PDE2A: variants seen among roughly 807,000 people sequenced by gnomAD.
PDE2A encodes cGMP-dependent 3',5'-cyclic phosphodiesterase.
PDE2A carries 53 observed loss-of-function variants against 133.6 expected under a neutral mutation model. The ratio of observed to expected loss-of-function variants is 0.40; its 90% confidence interval spans 0.32 to 0.50. The LOEUF is 0.50. Among genes scored for constraint, PDE2A ranks in the 20% least tolerant of loss-of-function variants. The pLI is 0.73. For missense variants in PDE2A, 796 were observed against 1,232.4 expected, an observed-to-expected ratio of 0.65 and a Z score of 5.30; for synonymous variants, 491 against 490.2, an observed-to-expected ratio of 1.00 and a Z score of -0.02.
intron 7 of PDE2A, 168 bp downstream of exon 7, chr11:72,591,129 G>T: frequency 1.5e-6 from 1 of 651,918 alleles, no homozygotes; most frequent in Non-Finnish European, 2.8e-6. Flanking sequence ...TTTCAGGTGT[G>T]AAACTGAGGC....
At chr11:72,619,311 C>T (rs1857629988) in intron 2 of PDE2A, among the ~76,000 whole-genome samples, 2 of 152,250 alleles carry the variant, frequency 1.3e-5, no homozygotes, top group South Asian at 2.1e-4. Flanking sequence ...CCTCTCCTCT[C>T]ACTCTGTGCA....
intron 1 of PDE2A, among the ~76,000 whole-genome samples, chr11:72,670,238 C>T (rs765903049): frequency 2.0e-5 from 3 of 152,152 alleles, no homozygotes; most frequent in East Asian, 1.9e-4. Flanking sequence ...TACCTTCCTG[C>T]GACATTAACA....
chr11:72,619,635 T>C (rs1857650150), intron 2 of PDE2A, among the ~76,000 whole-genome samples: 2 of 152,194 alleles, frequency 1.3e-5, no homozygotes, highest in Non-Finnish European at 1.5e-5. Context: ...GTGACAGTGG[T>C]ATAGTCAGTA....
intron 2 of PDE2A, among the ~76,000 whole-genome samples, chr11:72,628,604 C>G (rs1475857672): frequency 6.6e-6 from 1 of 152,220 alleles, no homozygotes; most frequent in Non-Finnish European, 1.5e-5. Context: ...GCTGAGATTA[C>G]AAGCGTGAGC....
chr11:72,655,667 G>A (rs1359262003), intron 1 of PDE2A, among the ~76,000 whole-genome samples: 2 of 152,184 alleles, frequency 1.3e-5, no homozygotes, highest in Non-Finnish European at 2.9e-5. Flanking sequence ...CTCTGAGCCT[G>A]AGTTTCTGTA....
chr11:72,659,737 T>C (rs982817475), intron 1 of PDE2A, among the ~76,000 whole-genome samples: 11 of 152,020 alleles, frequency 7.2e-5, no homozygotes, highest in African/African-American at 2.7e-4. Flanking sequence ...GGACAATATA[T>C]AGCCATTTCC....
At chr11:72,591,452 C>A in intron 6 of PDE2A, 96 bp from the exon 7 acceptor site, 1 of 853,978 alleles carries the variant, frequency 1.2e-6, no homozygotes, top group Non-Finnish European at 2.0e-6. Flanking sequence ...TGGTCCCCAC[C>A]AACACATACA....
chr11:72,668,672 C>T (rs541369298), intron 1 of PDE2A, among the ~76,000 whole-genome samples: 1 of 152,404 alleles, frequency 6.6e-6, no homozygotes, highest in East Asian at 1.9e-4. Context: ...CAACAGACTA[C>T]AGCTCCCAGA....
At chr11:72,579,251 C>T in intron 27 of PDE2A, 33 bp downstream of exon 27, 1 of 1,507,550 alleles carries the variant, frequency 6.6e-7, no homozygotes, top group South Asian at 1.1e-5. Context: ...TTGTTCCTCC[C>T]CAGCCCCAAG....
At chr11:72,647,686 T>A (rs574443719) in intron 1 of PDE2A, among the ~76,000 whole-genome samples, 2 of 152,318 alleles carry the variant, frequency 1.3e-5, no homozygotes, top group East Asian at 3.9e-4. Flanking sequence ...TCTGCCTCCA[T>A]CCAGACCCTT....
chr11:72,598,387 G>A, intron 4 of PDE2A: 1 of 578,200 alleles, frequency 1.7e-6, no homozygotes, highest in Non-Finnish European at 2.8e-6. Context: ...GACAGTGGCA[G>A]AGGGGTGGTG....
rs772308043 is a variant in PDE2A, at chr11:72,578,203, G to A, written c.2615+30C>T. On this transcript the variant is annotated intron_variant, in intron 30 of 30. Coordinates refer to ENST00000334456, the MANE Select transcript of PDE2A (RefSeq NM_002599.5). This position sits in a 1 kb window ranked among gnomAD's most constrained non-coding sequence, Gnocchi z 4.2. ...ACTCCAGCCTACCCTCTCTGTGCAG[G>A]GTGCAGCTTGTCCCCATGAGCTCAC... The A allele has an allele frequency of 3.7e-6, 5 of 1,355,922 alleles. No individual in the cohort carries two copies. In the South Asian group the frequency reaches 5.8e-5, roughly 16 times the overall value. 84.0% of individuals were successfully genotyped at this position (1,355,922 alleles called of 1,614,324 possible).
intron 1 of PDE2A, among the ~76,000 whole-genome samples, chr11:72,665,342 G>A (rs1327127070): frequency 6.6e-6 from 1 of 152,074 alleles, no homozygotes; most frequent in Non-Finnish European, 1.5e-5. Flanking sequence ...GAACAGCAGA[G>A]CCGCCTCGGA....
At chr11:72,583,551 G>A (rs1855817000) in intron 19 of PDE2A, 36 bp from the exon 20 acceptor site, 1 of 1,456,410 alleles carries the variant, frequency 6.9e-7, no homozygotes, top group African/African-American at 1.4e-5. Context: ...CTCAAGGAAG[G>A]TGGCTGTGAA....
At position 72,577,361 on chromosome 11, in the gene PDE2A, C is replaced by G. The variant is rs756919554; in HGVS notation, c.*23G>C. ...GGAGGGCTGTGGGAGGTGGCCTGGG[C>G]AGGGAAGTGTCCCTGGAGGGGATCA... On this transcript the variant is annotated 3_prime_UTR_variant, in exon 31 of 31. Coordinates refer to ENST00000334456, the MANE Select transcript of PDE2A (RefSeq NM_002599.5). The G allele has an allele frequency of 2.5e-6, 4 of 1,586,672 alleles. No homozygotes were observed. The highest frequency in any genetic ancestry group is 3.5e-6 in the Non-Finnish European group (4 of 1,158,902).
chr11:72,638,452 T>G (rs990060276), intron 2 of PDE2A, among the ~76,000 whole-genome samples: 3 of 152,180 alleles, frequency 2.0e-5, no homozygotes, highest in Non-Finnish European at 2.9e-5. Flanking sequence ...GAGCTCACAT[T>G]CTGGTAGGAG....
chr11:72,637,584 A>G (rs567656792), intron 2 of PDE2A, among the ~76,000 whole-genome samples: 35 of 152,368 alleles, frequency 2.3e-4, no homozygotes, highest in African/African-American at 8.4e-4. Flanking sequence ...TTCATATGTC[A>G]GTCCTAAGGC....
chr11:72,663,980 GC>G (rs1335888539), intron 1 of PDE2A, among the ~76,000 whole-genome samples: 4 of 152,186 alleles, frequency 2.6e-5, no homozygotes, highest in African/African-American at 9.7e-5. Context: ...GGGCTCCCTT[GC>G]CCCCTGGCAT....
At chr11:72,658,355 G>A (rs905923506) in intron 1 of PDE2A, 1 of 358,232 alleles carries the variant, frequency 2.8e-6, no homozygotes, top group Non-Finnish European at 5.5e-6. Context: ...CAAGCAGGCT[G>A]GAGCTGTGGT....
Sources: allele counts gnomAD v4.1 joint callset (sites outside exome capture counted in the v4.1 genomes callset), GRCh38; gene constraint gnomAD v4.1.1; non-coding constraint Gnocchi (gnomAD v3.1); transcripts MANE v1.5; gene names NCBI Gene and HGNC (gene_info 2026-07-23, HGNC 2026-07-21).